Variants in MVP observed in about 807,000 individuals in gnomAD.
MVP encodes the protein lung resistance-related protein.
In MVP, 62 loss-of-function variants were observed where a neutral mutation model predicts 83.5. That is an observed-to-expected ratio of 0.74 (90% CI 0.61 to 0.92). The LOEUF is 0.92. Among genes scored for constraint, MVP ranks in the 40% least tolerant of loss-of-function variants. The pLI, the probability that MVP is intolerant of heterozygous loss-of-function variation, is 0.00. For missense variants in MVP, 1,000 were observed against 1,203.4 expected (o/e 0.83, Z 2.50); for synonymous variants, 505 against 504.1 (o/e 1.00, Z -0.02).
At chr16:29,831,120 C>T in intron 3 of MVP, 47 bp downstream of exon 3, 1 of 1,562,014 alleles carries the variant, frequency 6.4e-7, no homozygotes, top group Non-Finnish European at 8.7e-7. Flanking sequence ...CTGTCCTCCA[C>T]CTGCCTTGGG....
At chr16:29,823,990 G>T (rs1010474502) in intron 1 of MVP, among the ~76,000 whole-genome samples, 1 of 151,924 alleles carries the variant, frequency 6.6e-6, no homozygotes, top group Non-Finnish European at 1.5e-5. Flanking sequence ...TGTTATCCTA[G>T]CCCTTTGGGA....
At chr16:29,845,460 T>TC (rs1166687629) in intron 11 of MVP, among the ~76,000 whole-genome samples, 1 of 151,948 alleles carries the variant, frequency 6.6e-6, no homozygotes, top group Non-Finnish European at 1.5e-5. Flanking sequence ...CCAGAAAGCT[T>TC]CCCCCCGCCC....
chr16:29,836,613 A>G, intron 6 of MVP, 109 bp from the exon 7 acceptor site: 1 of 853,334 alleles, frequency 1.2e-6, no homozygotes, highest in Non-Finnish European at 1.8e-6. Flanking sequence ...ATTGGTAGAA[A>G]TTGTCTCTGA....
intron 1 of MVP, among the ~76,000 whole-genome samples, chr16:29,828,758 G>A (rs2067420737): frequency 6.6e-6 from 1 of 152,200 alleles, no homozygotes; most frequent in Admixed American, 6.5e-5. Flanking sequence ...GGGGACTGTG[G>A]TAGGTGGGAA....
At chr16:29,842,795 G>A (rs780715365) in intron 10 of MVP, among the ~76,000 whole-genome samples, 3 of 152,188 alleles carry the variant, frequency 2.0e-5, no homozygotes, top group Non-Finnish European at 4.4e-5. Context: ...GCAAATCCAG[G>A]GAAGGCGTGG....
intron 1 of MVP, chr16:29,826,229 C>T (rs574255290): frequency 6.6e-6 from 1 of 152,340 alleles, no homozygotes; most frequent in African/African-American, 2.4e-5. Flanking sequence ...GCTTTATGTG[C>T]TAACTTGGTT....
chr16:29,827,953 G>A (rs1036108285), intron 1 of MVP, among the ~76,000 whole-genome samples: 1 of 152,034 alleles, frequency 6.6e-6, no homozygotes, highest in East Asian at 1.9e-4. Context: ...AGATGCATTA[G>A]CCACATTTTA....
chr16:29,836,588 A>G (rs1046516268), intron 6 of MVP, 134 bp from the exon 7 acceptor site: 2 of 779,506 alleles, frequency 2.6e-6, no homozygotes, highest in African/African-American at 1.8e-5. Flanking sequence ...AAAAAAAAAA[A>G]AAAACAATCC....
intron 1 of MVP, among the ~76,000 whole-genome samples, chr16:29,821,852 T>TC (rs2067364060): frequency 6.6e-6 from 1 of 152,132 alleles, no homozygotes; most frequent in African/African-American, 2.4e-5. Flanking sequence ...GAACACAGGG[T>TC]CCAGAGGCTC....
At chr16:29,821,102 GAA>G (rs1423554722) in intron 1 of MVP, 1 of 152,262 alleles carries the variant, frequency 6.6e-6, no homozygotes, top group Non-Finnish European at 1.5e-5. Context: ...TTTGGGAGGA[GAA>G]AGTGAAAACT....
In MVP at chr16:29,830,949, C is replaced by A; in HGVS notation, c.197C>A (p.Ser66Tyr). 1 of 1,614,090 alleles carries A rather than the reference C, an allele frequency of 6.2e-7. No individual in the cohort carries two copies. Among genetic ancestry groups the A allele is most frequent in the African/African-American group, 1.3e-5 (1 of 75,008 alleles). Residue 66 changes from serine (S) to tyrosine (Y), a missense_variant, in exon 3 of 15, where the codon TCT (serine) becomes TAT (tyrosine). By Grantham distance (144) the Ser-to-Tyr change is moderately radical (BLOSUM62 -2). Coordinates refer to ENST00000357402, the MANE Select transcript of MVP (RefSeq NM_005115.5). ...TACTGCACAGTGGCCAACCCTGTGTCTCGGGATGCCCAGGGCTTGGTGCTG... is the reference window on the plus strand; with the variant it reads ...TACTGCACAGTGGCCAACCCTGTGTATCGGGATGCCCAGGGCTTGGTGCTG... ...RHYCTVANPV[S>Y]RDAQGLVLFD...
At chr16:29,835,480 CAAAAAAAAAAAAA>C (rs59649743) in intron 5 of MVP, 1 of 71,722 alleles carries the variant, frequency 1.4e-5, no homozygotes, top group Non-Finnish European at 2.5e-5. Flanking sequence ...GACTCCGTCT[CAAAAAAAAAAAAA>C]AAAAAAAAAA....
chr16:29,837,569 C>G (rs1048859720), intron 7 of MVP, among the ~76,000 whole-genome samples: 1 of 152,098 alleles, frequency 6.6e-6, no homozygotes, highest in Non-Finnish European at 1.5e-5. Context: ...GCCTGGCCAA[C>G]GTGGGGAAAC....
chr16:29,825,013 G>A (rs560238532), intron 1 of MVP, among the ~76,000 whole-genome samples: 1 of 152,198 alleles, frequency 6.6e-6, no homozygotes, highest in African/African-American at 2.4e-5. Context: ...AAAGTGTTGG[G>A]ATTACAGGTG....
rs1036273622 is a variant in MVP, at chr16:29,831,843, C to T, written c.321+770C>T. 8 of 406,384 alleles carry T rather than the reference C, an allele frequency of 2.0e-5. 1 individual carries two copies. The highest frequency in any genetic ancestry group is 1.0e-4 in the Admixed American group (4 of 38,454). The allele number at this position is 406,384 out of a possible 1,614,324, so 25.2% of individuals were successfully genotyped here. A position where few individuals can be genotyped will look rare whatever the true frequency, so the allele number is the denominator to read the frequency against. On this transcript the variant is annotated intron_variant, in intron 3 of 14. Transcript: ENST00000357402. The stretch of plus-strand genomic sequence containing the variant: ...CAGCCAGGCTCTTGTCCCCGTTGGC[C>T]TCAGGCCTGGGCCTGAGCAGGTGGG...
chr16:29,840,087 C>A, intron 7 of MVP, 91 bp from the exon 8 acceptor site: 2 of 1,378,550 alleles, frequency 1.5e-6, no homozygotes, highest in Non-Finnish European at 2.0e-6. Context: ...GTCCTCCACA[C>A]AGGCCTGAAA....
chr16:29,822,753 T>TGTCCCCCAGGCCA (rs1472247790), intron 1 of MVP: 1 of 152,268 alleles, frequency 6.6e-6, no homozygotes, highest in African/African-American at 2.4e-5. Flanking sequence ...AGTCTCGCTC[T>TGTCCCCCAGGCCA]GTCCCCCAGG....
intron 1 of MVP, chr16:29,822,507 GT>G (rs1420667485): frequency 6.6e-6 from 1 of 152,050 alleles, no homozygotes; most frequent in Non-Finnish European, 1.5e-5. Context: ...TTGTGTCCTT[GT>G]TTATACCAAA....
At chr16:29,824,687 G>T (rs1032670958) in intron 1 of MVP, among the ~76,000 whole-genome samples, 5 of 152,108 alleles carry the variant, frequency 3.3e-5, no homozygotes. Context: ...GAACCTGGGA[G>T]GTAGGTGGAC....
Sources: gnomAD v4.1 joint callset for allele counts (sites outside exome capture counted in the v4.1 genomes callset) on GRCh38, gnomAD v4.1.1 for gene constraint, MANE v1.5 for transcripts, NCBI Gene and HGNC (gene_info 2026-07-23, HGNC 2026-07-21) for gene names.